The following MEOX2 variants were observed in gnomAD, a reference collection of about 807,000 sequenced individuals.
MEOX2 encodes mesenchyme homeobox 2.
Under a neutral mutation model 27.0 loss-of-function variants are expected in MEOX2, and 11 were observed. The observed-to-expected ratio is 0.41, with a 90% confidence interval of 0.26 to 0.68. MEOX2 has a LOEUF of 0.68. MEOX2 is among the 30% of genes least tolerant of loss of function. The pLI is 0.33. For synonymous variants in MEOX2, 189 were observed against 155.4 expected (o/e 1.22, Z -1.61); for missense variants, 436 against 385.4 (o/e 1.13, Z -1.10).
intron 2 of MEOX2, among the ~76,000 whole-genome samples, chr7:15,622,177 T>C (rs921196221): frequency 2.0e-5 from 3 of 152,172 alleles, no homozygotes; most frequent in African/African-American, 7.2e-5. Flanking sequence ...GTTTTCCCTG[T>C]TTGCATGATA....
chr7:15,648,419 A>C (rs554722478), intron 1 of MEOX2, among the ~76,000 whole-genome samples: 2 of 152,142 alleles, frequency 1.3e-5, no homozygotes, highest in Non-Finnish European at 2.9e-5. Context: ...CGTAAATTAC[A>C]TCCCAGAGTA....
intron 1 of MEOX2, among the ~76,000 whole-genome samples, chr7:15,647,587 G>A (rs1334479199): frequency 6.6e-6 from 1 of 152,026 alleles, no homozygotes; most frequent in African/African-American, 2.4e-5. Flanking sequence ...TGTAAAGACA[G>A]GAAGCTCAAT....
rs1781316507 is a variant in MEOX2, at chr7:15,626,848, T to C, written c.588A>G (p.Lys196=). The C allele has an allele frequency of 1.2e-6, 2 of 1,612,208 alleles. No homozygotes were observed. Among genetic ancestry groups the C allele is most frequent in the African/African-American group, 2.7e-5 (2 of 74,504 alleles). ...KPRKERTAFT[K]EQIRELEAEF... ...CTGCTTCAAGTTCTCTGATTTGCTC[T>C]TTGGTAAATGCTGTCCTTTCTTTCC... is the stretch of plus-strand genomic sequence containing the variant. The change falls in exon 2 of 3, where the codon AAA becomes AAG. Residue 196 remains lysine (K), a synonymous_variant. Transcript: ENST00000262041.
chr7:15,659,531 C>A (rs892651654), intron 1 of MEOX2, among the ~76,000 whole-genome samples: 1 of 151,886 alleles, frequency 6.6e-6, no homozygotes, highest in East Asian at 1.9e-4. Context: ...GAGGCTGAGG[C>A]GGGTGGATCA....
At chr7:15,639,989 T>C (rs1052278455) in intron 1 of MEOX2, among the ~76,000 whole-genome samples, 7 of 152,174 alleles carry the variant, frequency 4.6e-5, no homozygotes, top group African/African-American at 1.7e-4. Flanking sequence ...TCCATGTGGA[T>C]TTTAGAATTG....
Position 15,668,082 on chromosome 7 carries a change from T to C in MEOX2, c.517+17804A>G, listed in dbSNP as rs1470906582. The C allele has an allele frequency of 2.0e-5, 3 of 152,194 alleles. No individual in the cohort carries two copies. The East Asian group carries it at 5.8e-4, about 29-fold the overall frequency. 9.4% of individuals were successfully genotyped at this position (152,194 alleles called of 1,614,324 possible). A position where few individuals can be genotyped will look rare whatever the true frequency, so the allele number is the denominator to read the frequency against. The stretch of plus-strand genomic sequence containing the variant: ...GCCAAGTAATGTGGAAACTACCTAT[T>C]TCTACTGTGTACTAACATGCATTTA... On this transcript the variant is annotated intron_variant, in intron 1 of 2. Transcript: ENST00000262041.
intron 2 of MEOX2, among the ~76,000 whole-genome samples, chr7:15,617,516 GA>G (rs1333643386): frequency 1.3e-5 from 2 of 151,968 alleles, no homozygotes; most frequent in African/African-American, 2.4e-5. Flanking sequence ...AAGTAAAGGT[GA>G]AAAATGGGGA....
At chr7:15,675,020 T>C (rs900687388) in intron 1 of MEOX2, among the ~76,000 whole-genome samples, 1 of 152,184 alleles carries the variant, frequency 6.6e-6, no homozygotes, top group African/African-American at 2.4e-5. Flanking sequence ...TTTATTATTT[T>C]ATCCAAACAC....
intron 1 of MEOX2, among the ~76,000 whole-genome samples, chr7:15,667,105 C>G (rs1562612068): frequency 6.6e-6 from 1 of 150,896 alleles, no homozygotes; most frequent in East Asian, 2.0e-4. Flanking sequence ...TCCTGGCCAA[C>G]AGGGTGAAAC....
chr7:15,652,851 G>A (rs190888191), intron 1 of MEOX2, among the ~76,000 whole-genome samples: 1 of 151,992 alleles, frequency 6.6e-6, no homozygotes, highest in East Asian at 1.9e-4. Flanking sequence ...TGTTATGGAT[G>A]TACCACTGTT....
At chr7:15,664,509 A>G (rs1359201745) in intron 1 of MEOX2, among the ~76,000 whole-genome samples, 1 of 152,208 alleles carries the variant, frequency 6.6e-6, no homozygotes, top group African/African-American at 2.4e-5. Flanking sequence ...TCAGCAATAG[A>G]TGCTTGATGT....
At chr7:15,681,909 A>C (rs1415280616) in intron 1 of MEOX2, 1 of 151,810 alleles carries the variant, frequency 6.6e-6, no homozygotes. Context: ...ATTGGAAACT[A>C]TTCCTACTTT....
intron 1 of MEOX2, among the ~76,000 whole-genome samples, chr7:15,630,601 GA>G (rs1781385979): frequency 6.6e-6 from 1 of 152,044 alleles, no homozygotes; most frequent in African/African-American, 2.4e-5. Context: ...ATATCCTGAA[GA>G]AAAATGAATA....
At position 15,686,491 on chromosome 7, in the gene MEOX2, G is replaced by T. The variant is rs200331111; in HGVS notation, c.-89C>A. 3.3e-6 allele frequency: 4 copies of T among 1,217,908 alleles called. No homozygotes were observed. The highest frequency in any genetic ancestry group is 3.2e-5 in the Admixed American group (1 of 31,110). 75.4% of individuals were successfully genotyped at this position (1,217,908 alleles called of 1,614,324 possible). The stretch of plus-strand genomic sequence containing the variant: ...GTCACTTTTTCACTGGAAACCGTGT[G>T]ATTTTTTTTTTAACCTCCCAAAGCA... On this transcript the variant is annotated 5_prime_UTR_variant, in exon 1 of 3. Transcript: ENST00000262041.
intron 1 of MEOX2, among the ~76,000 whole-genome samples, chr7:15,636,301 G>A (rs919650806): frequency 8.6e-5 from 13 of 151,662 alleles, no homozygotes; most frequent in African/African-American, 2.7e-4. Flanking sequence ...TAATCATATC[G>A]GAAGATTAAT....
intron 1 of MEOX2, among the ~76,000 whole-genome samples, chr7:15,657,416 C>A (rs962231312): frequency 1.3e-5 from 2 of 152,044 alleles, no homozygotes; most frequent in African/African-American, 4.8e-5. Context: ...TGGATAATTT[C>A]TATGGTTCCA....
intron 1 of MEOX2, among the ~76,000 whole-genome samples, chr7:15,632,371 T>C (rs1781418036): frequency 6.6e-6 from 1 of 151,892 alleles, no homozygotes; most frequent in African/African-American, 2.4e-5. Context: ...TTTTAAATGA[T>C]GAGATTTTAA....
chr7:15,677,237 A>G (rs1477864935), intron 1 of MEOX2, among the ~76,000 whole-genome samples: 1 of 152,246 alleles, frequency 6.6e-6, no homozygotes, highest in African/African-American at 2.4e-5. Flanking sequence ...ATAATTGTAC[A>G]TTCATTGATA....
intron 1 of MEOX2, among the ~76,000 whole-genome samples, chr7:15,683,877 A>G (rs571447642): frequency 6.6e-6 from 1 of 152,166 alleles, no homozygotes; most frequent in Non-Finnish European, 1.5e-5. Flanking sequence ...TAGCTGACAC[A>G]AACACTTATA....
Sources: allele counts gnomAD v4.1 joint callset (sites outside exome capture counted in the v4.1 genomes callset), GRCh38; gene constraint gnomAD v4.1.1; transcripts MANE v1.5; gene names NCBI Gene and HGNC (gene_info 2026-07-23, HGNC 2026-07-21).